ZFPM1: variants seen among roughly 807,000 people sequenced by gnomAD.
ZFPM1 encodes the protein zinc finger protein, FOG family member 1.
In ZFPM1, 28 loss-of-function variants were observed where a neutral mutation model predicts 46.3. That is an observed-to-expected ratio of 0.60 (90% CI 0.45 to 0.83). The LOEUF is 0.83. Ranked by LOEUF, ZFPM1 falls within the 40% of genes least tolerant of loss-of-function variation. ZFPM1 has a pLI of 0.00. For missense variants in ZFPM1, 1,878 were observed against 1,432.4 expected (o/e 1.31, Z -5.02); for synonymous variants, 957 against 675.9 (o/e 1.42, Z -6.45).
Position 88,532,026 on chromosome 16 carries a change from G to C in ZFPM1, c.737G>C (p.Cys246Ser). The change falls in exon 7 of 10, where the codon TGT becomes TCT. Residue 246 changes from cysteine to serine, a missense_variant. Cys to Ser is a moderately radical substitution (Grantham distance 112). Coordinates refer to ENST00000319555, the MANE Select transcript of ZFPM1 (RefSeq NM_153813.3). ...INKDVFPCKDCGIWYRSERNL... is the reference protein window; with the variant it reads ...INKDVFPCKDSGIWYRSERNL... ...GAAGACGTCTTCCCCTGCAAGGACTGTGGCATCTGGTACCGCAGCGAGCGC... is the reference window on the plus strand; with the variant it reads ...GAAGACGTCTTCCCCTGCAAGGACTCTGGCATCTGGTACCGCAGCGAGCGC... 6.2e-7 allele frequency: 1 copy of C among 1,609,372 alleles called. No homozygotes were observed. Among genetic ancestry groups the C allele is most frequent in the Non-Finnish European group, 8.5e-7 (1 of 1,177,406 alleles).
chr16:88,491,309 C>A (rs1011558937), intron 3 of ZFPM1, among the ~76,000 whole-genome samples: 1 of 152,192 alleles, frequency 6.6e-6, no homozygotes, highest in African/African-American at 2.4e-5. Context: ...CACACTCTAT[C>A]AGTGGAGACC....
In ZFPM1 at chr16:88,481,761, G is replaced by A. The variant is rs75921348; in HGVS notation, c.41-4178G>A. ...ACACCCCAGGTTCCCCATCTGAAAT[G>A]AAATTGGAAGACCATCTCGCTGGAC... On this transcript the variant is annotated intron_variant, in intron 1 of 9. Coordinates refer to ENST00000319555, the MANE Select transcript of ZFPM1 (RefSeq NM_153813.3). Among the ~76,000 whole-genome samples the A allele has an allele frequency of 7.9e-5, 12 of 152,246 alleles. No individual in the cohort carries two copies. The East Asian group carries it at 1.9e-3, about 24-fold the overall frequency.
At chr16:88,503,154 T>C (rs1910465762) in intron 3 of ZFPM1, among the ~76,000 whole-genome samples, 1 of 152,200 alleles carries the variant, frequency 6.6e-6, no homozygotes, top group Non-Finnish European at 1.5e-5. Flanking sequence ...CCGTGGGTCC[T>C]GAGCAGCGGC....
intron 1 of ZFPM1, among the ~76,000 whole-genome samples, chr16:88,457,627 C>T (rs1400192194): frequency 1.3e-5 from 2 of 152,076 alleles, no homozygotes; most frequent in African/African-American, 4.8e-5. Flanking sequence ...GTTTTTCTCT[C>T]TTTCTCTCTC....
intron 1 of ZFPM1, among the ~76,000 whole-genome samples, chr16:88,481,956 G>A (rs74032891): frequency 5.1e-4 from 78 of 151,816 alleles, no homozygotes; most frequent in African/African-American, 1.8e-3. Flanking sequence ...CAGGCTGCAC[G>A]TTTCATCTCC....
upstream of ZFPM1, chr16:88,453,196 C>T (rs1417826013): frequency 7.1e-6 from 1 of 140,192 alleles, no homozygotes; most frequent in Non-Finnish European, 1.6e-5. Flanking sequence ...CGGCAGGAGG[C>T]ACGGGGCGGG....
intron 1 of ZFPM1, 142 bp from the exon 2 acceptor site, chr16:88,485,797 C>T (rs1292608986): frequency 7.4e-6 from 5 of 675,758 alleles, no homozygotes; most frequent in Non-Finnish European, 1.0e-5. Context: ...GTCCTTTGAC[C>T]TCAGGGTGAG....
chr16:88,467,738 G>A (rs1908202839), intron 1 of ZFPM1, among the ~76,000 whole-genome samples: 1 of 152,160 alleles, frequency 6.6e-6, no homozygotes, highest in Non-Finnish European at 1.5e-5. Flanking sequence ...TTTGTGGCTG[G>A]GACCTGAGAT....
Position 88,534,267 on chromosome 16 carries a change from G to C in ZFPM1, c.2309G>C (p.Arg770Pro). ...CACGCCCCCGCGCCCGAGTCGCCGC[G>C]GCCCGGAAGCGGAAGCGGAAGCGGC... Reference protein sequence around the residue: ...PGHAPAPESPRPGSGSGSGPG... With the variant: ...PGHAPAPESPPPGSGSGSGPG... Residue 770 changes from arginine (R) to proline (P), a missense_variant, in exon 10 of 10, where the codon CGG (arginine) becomes CCG (proline). Arg to Pro is a moderately radical substitution (Grantham distance 103, BLOSUM62 -2). Transcript: ENST00000319555. 3.6e-6 allele frequency: 4 copies of C among 1,099,146 alleles called. No individual in the cohort carries two copies. The highest frequency in any genetic ancestry group is 4.4e-6 in the Non-Finnish European group (4 of 908,654). 68.1% of individuals were successfully genotyped at this position (1,099,146 alleles called of 1,614,324 possible).
At chr16:88,482,848 C>T (rs573808715) in intron 1 of ZFPM1, among the ~76,000 whole-genome samples, 2 of 152,210 alleles carry the variant, frequency 1.3e-5, no homozygotes, top group South Asian at 2.1e-4. Flanking sequence ...CTGATCGTTC[C>T]GCGTGCTCCC....
chr16:88,519,893 A>G (rs1348254470), intron 4 of ZFPM1, among the ~76,000 whole-genome samples: 1 of 146,878 alleles, frequency 6.8e-6, no homozygotes, highest in Admixed American at 6.8e-5. Context: ...AGAGATGTGT[A>G]GGTAGATGGA....
At chr16:88,452,199 G>A (rs1016364655), upstream of ZFPM1, among the ~76,000 whole-genome samples, 17 of 152,124 alleles carry the variant, frequency 1.1e-4, no homozygotes, top group African/African-American at 3.4e-4. Flanking sequence ...AACTCAGCTG[G>A]GAGTGGGGGA....
chr16:88,484,996 T>C (rs917527334), intron 1 of ZFPM1, among the ~76,000 whole-genome samples: 4 of 152,224 alleles, frequency 2.6e-5, no homozygotes, highest in Admixed American at 6.5e-5. Flanking sequence ...CAGACACCTG[T>C]GCCCTGCTTG....
intron 4 of ZFPM1, among the ~76,000 whole-genome samples, chr16:88,522,412 T>C (rs780887381): frequency 3.3e-5 from 5 of 152,190 alleles, no homozygotes; most frequent in Admixed American, 6.5e-5. Context: ...AACCTGCTGC[T>C]GGCCCACTAC....
At chr16:88,507,655 G>A (rs568333984) in intron 3 of ZFPM1, among the ~76,000 whole-genome samples, 32 of 152,218 alleles carry the variant, frequency 2.1e-4, no homozygotes, top group Non-Finnish European at 4.4e-4. Flanking sequence ...CATGGGAGAT[G>A]CCATCCAGCT....
At chr16:88,486,322 G>T (rs1909221791) in intron 2 of ZFPM1, among the ~76,000 whole-genome samples, 1 of 152,198 alleles carries the variant, frequency 6.6e-6, no homozygotes, top group South Asian at 2.1e-4. Flanking sequence ...GGCAGGTCTG[G>T]CCCTGGGTTG....
chr16:88,467,646 A>G (rs560764729), intron 1 of ZFPM1, among the ~76,000 whole-genome samples: 66 of 152,236 alleles, frequency 4.3e-4, no homozygotes, highest in Non-Finnish European at 5.7e-4. Flanking sequence ...GCTGCCTTGG[A>G]TCCCCTCCCT....
intron 3 of ZFPM1, among the ~76,000 whole-genome samples, chr16:88,510,865 CTT>C (rs993108308): frequency 6.0e-4 from 92 of 152,226 alleles, no homozygotes; most frequent in Non-Finnish European, 6.6e-4. Context: ...GGAGGAGTAA[CTT>C]GAGCACAGCT....
chr16:88,509,613 A>G (rs1910843978), intron 3 of ZFPM1, among the ~76,000 whole-genome samples: 1 of 152,182 alleles, frequency 6.6e-6, no homozygotes. Flanking sequence ...GTGGAGAAAC[A>G]GGCCTGGGGA....
Sources: allele counts gnomAD v4.1 joint callset (sites outside exome capture counted in the v4.1 genomes callset), GRCh38; gene constraint gnomAD v4.1.1; transcripts MANE v1.5; gene names NCBI Gene and HGNC (gene_info 2026-07-23, HGNC 2026-07-21).